STXBP5: variants seen among roughly 807,000 people sequenced by gnomAD.
STXBP5 encodes the protein syntaxin-binding protein 5.
STXBP5 carries 50 observed loss-of-function variants against 152.4 expected under a neutral mutation model. The observed-to-expected ratio is 0.33, with a 90% CI of 0.26 to 0.42. The LOEUF is 0.42. Among genes scored for constraint, STXBP5 ranks in the 10% least tolerant of loss-of-function variants. The probability of loss-of-function intolerance (pLI) is 1.00; values close to 1 mark genes in which losing one functional copy is unlikely to be tolerated. For synonymous variants in STXBP5, 492 were observed against 494.7 expected, an observed-to-expected ratio of 0.99 and a Z score of 0.07; for missense variants, 1,167 against 1,388.6, an observed-to-expected ratio of 0.84 and a Z score of 2.54.
intron 11 of STXBP5, 64 bp downstream of exon 11, chr6:147,311,591 A>AT: frequency 8.0e-7 from 1 of 1,246,220 alleles, no homozygotes; most frequent in South Asian, 1.3e-5. Context: ...GCCTTTTATC[A>AT]TAGCATTAGC....
At chr6:147,321,599 C>T (rs969693313) in intron 16 of STXBP5, among the ~76,000 whole-genome samples, 4 of 152,092 alleles carry the variant, frequency 2.6e-5, no homozygotes, top group Admixed American at 2.0e-4. Context: ...AAAGAAAAGG[C>T]AGCCGTTTGA....
intron 21 of STXBP5, 80 bp from the exon 22 acceptor site, chr6:147,353,243 C>T (rs1338727198): frequency 7.4e-6 from 6 of 806,956 alleles, no homozygotes; most frequent in Admixed American, 3.0e-5. Context: ...TAAAAGTATT[C>T]ACTTCTATCT....
At chr6:147,293,927 GCTAA>G (rs1187061128) in intron 9 of STXBP5, among the ~76,000 whole-genome samples, 2 of 152,174 alleles carry the variant, frequency 1.3e-5, no homozygotes, top group Non-Finnish European at 2.9e-5. Flanking sequence ...GTGATAAAGA[GCTAA>G]CTATTAAAAG....
intron 3 of STXBP5, among the ~76,000 whole-genome samples, chr6:147,238,444 C>G (rs1030093964): frequency 3.9e-5 from 6 of 152,180 alleles, no homozygotes; most frequent in Admixed American, 2.0e-4. Context: ...TTCACCACCT[C>G]TCAACACCAC....
intron 3 of STXBP5, 57 bp downstream of exon 3, chr6:147,235,388 C>A: frequency 7.2e-7 from 1 of 1,388,732 alleles, no homozygotes; most frequent in South Asian, 1.2e-5. Context: ...CACTTCTAGT[C>A]TTTCAGATTT....
chr6:147,217,865 A>G lies in STXBP5; in HGVS notation c.248+11797A>G, dbSNP rs144364852. ...CTTAAAGTTTTAAATGTTGATGTGC[A>G]CATTTTTCATGGCTATTCTTAGCAT... On this transcript the variant is annotated intron_variant, in intron 2 of 27. Coordinates refer to ENST00000321680, the MANE Select transcript of STXBP5 (RefSeq NM_001127715.4). 5.5e-4 allele frequency among the ~76,000 whole-genome samples: 84 copies of G among 152,298 alleles called. No homozygotes were observed. In the East Asian group the frequency reaches 6.8e-3, roughly 12 times the overall value.
chr6:147,272,341 A>G (rs1360354195), intron 7 of STXBP5, among the ~76,000 whole-genome samples: 2 of 152,234 alleles, frequency 1.3e-5, no homozygotes, highest in African/African-American at 4.8e-5. Flanking sequence ...TGCCTAAGTC[A>G]TAAAACTTAT....
At chr6:147,262,002 G>A (rs926901980) in intron 5 of STXBP5, among the ~76,000 whole-genome samples, 3 of 151,776 alleles carry the variant, frequency 2.0e-5, no homozygotes, top group African/African-American at 7.3e-5. Context: ...ATTCTACCTT[G>A]ACAATAGATT....
At chr6:147,223,184 G>A (rs1368429519) in intron 2 of STXBP5, among the ~76,000 whole-genome samples, 1 of 152,184 alleles carries the variant, frequency 6.6e-6, no homozygotes, top group African/African-American at 2.4e-5. Context: ...GAAAACATAG[G>A]TGGTCTTCAA....
chr6:147,252,784 CA>C (rs1442037717), intron 4 of STXBP5, among the ~76,000 whole-genome samples: 1 of 151,890 alleles, frequency 6.6e-6, no homozygotes, highest in East Asian at 1.9e-4. Context: ...TCAGATTCAC[CA>C]ATAACAAGTT....
At chr6:147,213,432 ATATG>A (rs373005611) in intron 2 of STXBP5, among the ~76,000 whole-genome samples, 5,735 of 120,696 alleles carry the variant, frequency 0.048, 141 homozygotes, top group East Asian at 0.059. Flanking sequence ...ATAATTTTAT[ATATG>A]TGTGTGTGTG....
At chr6:147,236,501 A>G (rs1730231324) in intron 3 of STXBP5, among the ~76,000 whole-genome samples, 1 of 152,172 alleles carries the variant, frequency 6.6e-6, no homozygotes, top group East Asian at 1.9e-4. Flanking sequence ...TAACAATAGT[A>G]TGATAGCAAA....
At chr6:147,230,146 ATGC>A (rs558485160) in intron 2 of STXBP5, among the ~76,000 whole-genome samples, 90 of 152,070 alleles carry the variant, frequency 5.9e-4, no homozygotes, top group African/African-American at 2.1e-3. Flanking sequence ...AACGTCGTGT[ATGC>A]CATTGATCCC....
intron 9 of STXBP5, 89 bp from the exon 10 acceptor site, chr6:147,309,992 TTTG>T (rs1437673832): frequency 1.8e-5 from 16 of 904,782 alleles, no homozygotes; most frequent in African/African-American, 1.7e-4. Context: ...AATTTAAGAT[TTTG>T]TTATTTCACT....
At chr6:147,241,916 G>T (rs1562432543) in intron 4 of STXBP5, among the ~76,000 whole-genome samples, 1 of 152,220 alleles carries the variant, frequency 6.6e-6, no homozygotes, top group Non-Finnish European at 1.5e-5. Context: ...GACTGTTACT[G>T]TCATATATTT....
chr6:147,239,958 T>C (rs1029765910), intron 4 of STXBP5, among the ~76,000 whole-genome samples: 7 of 151,832 alleles, frequency 4.6e-5, no homozygotes, highest in African/African-American at 1.2e-4. Flanking sequence ...TTTTTTTTTT[T>C]CTGAGACCTG....
At chr6:147,205,020 C>G (rs78929375) in intron 1 of STXBP5, among the ~76,000 whole-genome samples, 2,419 of 152,222 alleles carry the variant, frequency 0.016, 28 homozygotes, top group Non-Finnish European at 0.025. Context: ...TAATATGATT[C>G]ACCAACTTCG....
chr6:147,313,179 T>C (rs191067518), intron 11 of STXBP5, among the ~76,000 whole-genome samples: 6 of 152,304 alleles, frequency 3.9e-5, no homozygotes, highest in Admixed American at 3.9e-4. Flanking sequence ...TTGTCAGTAG[T>C]AGACTGATCT....
At chr6:147,310,308 T>G in intron 10 of STXBP5, 70 bp downstream of exon 10, 1 of 1,147,320 alleles carries the variant, frequency 8.7e-7, no homozygotes, top group Non-Finnish European at 1.1e-6. Flanking sequence ...AAGACCTAGG[T>G]TGTTTAGATA....
Sources: gnomAD v4.1 joint callset for allele counts (sites outside exome capture counted in the v4.1 genomes callset) on GRCh38, gnomAD v4.1.1 for gene constraint, MANE v1.5 for transcripts, NCBI Gene and HGNC (gene_info 2026-07-23, HGNC 2026-07-21) for gene names.